The following GRIK2 variants were observed in gnomAD, a reference collection of about 807,000 sequenced individuals.
GRIK2 encodes the protein glutamate ionotropic receptor kainate type subunit 2.
GRIK2 carries 32 observed loss-of-function variants against 100.3 expected under a neutral mutation model. The ratio of observed to expected loss-of-function variants is 0.32; its 90% CI spans 0.24 to 0.43. The LOEUF (loss-of-function observed/expected upper bound fraction) is 0.43. Among genes scored for constraint, GRIK2 ranks in the 20% least tolerant of loss-of-function variants. The pLI, the probability that GRIK2 is intolerant of heterozygous loss-of-function variation, is 1.00. For synonymous variants in GRIK2, 417 were observed against 389.4 expected (o/e 1.07, Z -0.83); for missense variants, 843 against 1,114.9 (o/e 0.76, Z 3.47).
At chr6:101,433,614 A>C (rs1769547551) in intron 2 of GRIK2, among the ~76,000 whole-genome samples, 1 of 151,948 alleles carries the variant, frequency 6.6e-6, no homozygotes, top group Non-Finnish European at 1.5e-5. Flanking sequence ...CTTCATTGAA[A>C]ATCTCCTACC....
At chr6:101,829,368 C>A (rs531533191) in intron 10 of GRIK2, among the ~76,000 whole-genome samples, 95 of 152,016 alleles carry the variant, frequency 6.2e-4, no homozygotes, top group South Asian at 1.0e-3. Flanking sequence ...CAGTTCTATT[C>A]AACATTTTAC....
At chr6:101,400,072 C>A (rs1182114832) in intron 2 of GRIK2, among the ~76,000 whole-genome samples, 4 of 152,132 alleles carry the variant, frequency 2.6e-5, no homozygotes, top group Admixed American at 6.5e-5. Context: ...TTGTTTTTAA[C>A]TTGCTGAGTC....
chr6:101,634,035 T>C (rs558082429), intron 4 of GRIK2, among the ~76,000 whole-genome samples: 1 of 152,208 alleles, frequency 6.6e-6, no homozygotes, highest in South Asian at 2.1e-4. Flanking sequence ...AGCAAGATAA[T>C]GGCAAGATTA....
intron 9 of GRIK2, among the ~76,000 whole-genome samples, chr6:101,805,355 A>G (rs576824642): frequency 6.6e-6 from 1 of 151,814 alleles, no homozygotes; most frequent in Admixed American, 6.6e-5. Flanking sequence ...GCCCTCTTGG[A>G]CAGTCTGAAG....
At chr6:101,765,650 A>C (rs1391467377) in intron 7 of GRIK2, among the ~76,000 whole-genome samples, 1 of 152,148 alleles carries the variant, frequency 6.6e-6, no homozygotes, top group Non-Finnish European at 1.5e-5. Flanking sequence ...TCACATGAAA[A>C]TAGTCAAGAT....
chr6:101,764,080 C>G (rs1212115154), intron 7 of GRIK2, among the ~76,000 whole-genome samples: 1 of 152,160 alleles, frequency 6.6e-6, no homozygotes, highest in Non-Finnish European at 1.5e-5. Context: ...TCCTGGTTCT[C>G]TGTATTCACT....
intron 2 of GRIK2, among the ~76,000 whole-genome samples, chr6:101,487,158 T>C (rs1159743062): frequency 2.0e-5 from 3 of 146,818 alleles, no homozygotes; most frequent in Non-Finnish European, 3.0e-5. Flanking sequence ...TGTTTAGTAA[T>C]AAGTAATGCT....
chr6:101,840,279 T>A (rs1358801871), intron 10 of GRIK2, among the ~76,000 whole-genome samples: 1 of 152,214 alleles, frequency 6.6e-6, no homozygotes. Context: ...ATGACAGCCA[T>A]GAGACATTCA....
chr6:102,001,988 A>G (rs887058672), intron 14 of GRIK2, among the ~76,000 whole-genome samples: 2 of 151,820 alleles, frequency 1.3e-5, no homozygotes, highest in African/African-American at 4.8e-5. Flanking sequence ...TTTTATTAAA[A>G]TGCATATAAG....
chr6:101,470,477 A>G (rs148950495), intron 2 of GRIK2, among the ~76,000 whole-genome samples: 50 of 152,330 alleles, frequency 3.3e-4, no homozygotes, highest in Middle Eastern at 3.4e-3. Flanking sequence ...GCAGATCTCC[A>G]AATGAGAAGC....
At chr6:101,579,039 A>G (rs893726693) in intron 2 of GRIK2, among the ~76,000 whole-genome samples, 1 of 152,192 alleles carries the variant, frequency 6.6e-6, no homozygotes, top group Non-Finnish European at 1.5e-5. Flanking sequence ...ATTGTTAAAT[A>G]AATAAAGTAA....
intron 2 of GRIK2, among the ~76,000 whole-genome samples, chr6:101,521,643 ATAAAG>A (rs1231524823): frequency 6.6e-6 from 1 of 151,882 alleles, no homozygotes; most frequent in Non-Finnish European, 1.5e-5. Flanking sequence ...ATAATATGAA[ATAAAG>A]TAAAATAAGA....
At chr6:101,869,015 G>A (rs897873483) in intron 11 of GRIK2, among the ~76,000 whole-genome samples, 3 of 151,722 alleles carry the variant, frequency 2.0e-5, no homozygotes, top group Admixed American at 2.0e-4. Context: ...ATCTAATTTT[G>A]TCAAGGGAAA....
At chr6:101,669,787 G>A (rs1292599359) in intron 4 of GRIK2, among the ~76,000 whole-genome samples, 1 of 152,068 alleles carries the variant, frequency 6.6e-6, no homozygotes, top group Non-Finnish European at 1.5e-5. Context: ...TGTCTTGAAT[G>A]CATCTTTCTT....
At chr6:101,729,090 A>C (rs1297882169) in intron 7 of GRIK2, among the ~76,000 whole-genome samples, 1 of 151,990 alleles carries the variant, frequency 6.6e-6, no homozygotes, top group African/African-American at 2.4e-5. Flanking sequence ...CTTTCTCTTC[A>C]TTGTCCTGCT....
chr6:101,838,406 G>A (rs2791819), intron 10 of GRIK2, among the ~76,000 whole-genome samples: 43,754 of 151,888 alleles, frequency 0.29, 9,165 homozygotes, highest in East Asian at 0.68. Context: ...TCAATTGCCT[G>A]TAACTCTATA....
intron 7 of GRIK2, among the ~76,000 whole-genome samples, chr6:101,747,914 C>T (rs564294048): frequency 9.2e-5 from 14 of 152,130 alleles, no homozygotes; most frequent in South Asian, 4.2e-4. Context: ...GTTGGCAGGC[C>T]GTGTGCTATA....
intron 2 of GRIK2, among the ~76,000 whole-genome samples, chr6:101,578,714 A>C (rs562672564): frequency 3.3e-4 from 50 of 152,196 alleles, no homozygotes; most frequent in African/African-American, 1.1e-3. Context: ...CTTTGGCTTC[A>C]TGGGGTGCTT....
chr6:101,632,949 G>A lies in GRIK2; in HGVS notation c.541+6312G>A, dbSNP rs542011900. On this transcript the variant is annotated intron_variant, in intron 4 of 16. Transcript: ENST00000369134. ...AATTATCATGAAGGATAAGTAAAAT[G>A]CTGCAACTGGAGAAGAGTCTACAGT... is the stretch of plus-strand genomic sequence containing the variant. Among the ~76,000 whole-genome samples, 5 of 152,210 alleles carry A rather than the reference G, an allele frequency of 3.3e-5. No individual in the cohort carries two copies. The South Asian group carries it at 1.0e-3, about 32-fold the overall frequency.
Sources: gnomAD v4.1 joint callset for allele counts (sites outside exome capture counted in the v4.1 genomes callset) on GRCh38, gnomAD v4.1.1 for gene constraint, MANE v1.5 for transcripts, NCBI Gene and HGNC (gene_info 2026-07-23, HGNC 2026-07-21) for gene names.